The following MRTFA variants were observed in gnomAD, a reference collection of about 807,000 sequenced individuals.
The protein encoded by MRTFA is myocardin-related transcription factor A.
Under a neutral mutation model 83.5 loss-of-function variants are expected in MRTFA, and 20 were observed. That is an observed-to-expected ratio of 0.24 (90% CI 0.17 to 0.35). The LOEUF (loss-of-function observed/expected upper bound fraction) is 0.35, where lower values mean the gene tolerates loss of function less well. Ranked by LOEUF, MRTFA falls within the 10% of genes least tolerant of loss-of-function variation. The pLI is 1.00. For missense variants in MRTFA, 1,200 were observed against 1,224.7 expected (o/e 0.98, Z 0.30); for synonymous variants, 659 against 541.2 (o/e 1.22, Z -3.02).
chr22:40,497,493 G>A (rs540245289), intron 3 of MRTFA, among the ~76,000 whole-genome samples: 30 of 152,278 alleles, frequency 2.0e-4, no homozygotes, highest in African/African-American at 5.8e-4. Context: ...GCTGGCTCAC[G>A]CCTGTAATCC....
At chr22:40,498,265 A>AT in intron 3 of MRTFA, among the ~76,000 whole-genome samples, 4 of 89,580 alleles carry the variant, frequency 4.5e-5, no homozygotes, top group African/African-American at 1.5e-4. Context: ...ATATATATAT[A>AT]TATATATATT....
At chr22:40,635,740 T>G (rs928300010) in intron 1 of MRTFA, among the ~76,000 whole-genome samples, 1 of 152,172 alleles carries the variant, frequency 6.6e-6, no homozygotes, top group Non-Finnish European at 1.5e-5. Context: ...ACGCTTCACG[T>G]GAATTATTTC....
chr22:40,418,041 T>G (rs894517729), intron 12 of MRTFA, among the ~76,000 whole-genome samples: 19 of 152,048 alleles, frequency 1.2e-4, no homozygotes, highest in Non-Finnish European at 2.4e-4. Context: ...AGGCTACCTC[T>G]GACCTTCACT....
rs2055453183 is a variant in MRTFA at position 40,552,233 on chromosome 22, C to T, written c.114G>A (p.Ala38=). The T allele has an allele frequency of 2.5e-6, 1 of 398,886 alleles. No individual in the cohort carries two copies. The highest frequency in any genetic ancestry group is 4.4e-6 in the Non-Finnish European group (1 of 226,112). The allele number at this position is 398,886 out of a possible 1,614,324, so 24.7% of individuals were successfully genotyped here. Residue 38 remains alanine (A), a synonymous_variant, in exon 3 of 15, where the codon GCG becomes GCA. Transcript: ENST00000355630. ...CAGCTTCACTCTGGGGACTGGGTGC[C>T]GCAGATAAGGACACGAGCACTGGTT...
intron 9 of MRTFA, 41 bp downstream of exon 9, chr22:40,423,495 G>A: frequency 7.0e-7 from 1 of 1,431,268 alleles, no homozygotes; most frequent in Non-Finnish European, 9.3e-7. Context: ...ACTCCAAAGG[G>A]CACAGGGAAG....
At chr22:40,511,715 T>A (rs181518596) in intron 3 of MRTFA, among the ~76,000 whole-genome samples, 1 of 152,200 alleles carries the variant, frequency 6.6e-6, no homozygotes, top group Non-Finnish European at 1.5e-5. Flanking sequence ...TTCATGGCAC[T>A]GTGGCAAGTG....
intron 4 of MRTFA, among the ~76,000 whole-genome samples, chr22:40,440,986 G>A (rs960783328): frequency 6.6e-6 from 1 of 152,130 alleles, no homozygotes; most frequent in Non-Finnish European, 1.5e-5. Context: ...TACCTTAATA[G>A]CTTTGCTAGG....
chr22:40,523,470 T>A (rs2054906387), intron 3 of MRTFA: 1 of 152,176 alleles, frequency 6.6e-6, no homozygotes, highest in Non-Finnish European at 1.5e-5. Context: ...CCCCTAAGTA[T>A]CTGGGACTAC....
rs192354637 is a variant in MRTFA at position 40,559,258 on chromosome 22, C to T, written c.-21-6891G>A. Among the ~76,000 whole-genome samples, 19 of 152,128 alleles carry T rather than the reference C, an allele frequency of 1.2e-4. No homozygotes were observed. The East Asian group carries it at 3.5e-3, about 28-fold the overall frequency. The stretch of plus-strand genomic sequence containing the variant: ...CACAAAAGTTAGGCATGGTGGTGTG[C>T]GTCTGCAGTCTCAGCTACTCCTGAG... On this transcript the variant is annotated intron_variant, in intron 2 of 14. Transcript: ENST00000355630.
chr22:40,458,781 G>C (rs1005841325), intron 4 of MRTFA, among the ~76,000 whole-genome samples: 5 of 152,086 alleles, frequency 3.3e-5, no homozygotes, highest in Admixed American at 3.3e-4. Context: ...GCTGTTTTCA[G>C]AAACACCTCA....
At chr22:40,461,807 AAATT>A (rs1285712196) in intron 4 of MRTFA, among the ~76,000 whole-genome samples, 2 of 151,990 alleles carry the variant, frequency 1.3e-5, no homozygotes, top group Non-Finnish European at 2.9e-5. Flanking sequence ...TTAAAAAAAA[AAATT>A]AAAATTAAAA....
At chr22:40,472,818 C>T (rs1296193102) in intron 3 of MRTFA, among the ~76,000 whole-genome samples, 2 of 152,134 alleles carry the variant, frequency 1.3e-5, no homozygotes, top group Non-Finnish European at 2.9e-5. Flanking sequence ...CAACAGAGAC[C>T]ACAACAAATT....
At chr22:40,502,184 C>G (rs1448272954) in intron 3 of MRTFA, among the ~76,000 whole-genome samples, 2 of 140,436 alleles carry the variant, frequency 1.4e-5, no homozygotes, top group African/African-American at 2.7e-5. Context: ...CCCTCCCGGA[C>G]GGGGTGGCTG....
At chr22:40,536,997 C>T (rs1404495986) in intron 3 of MRTFA, among the ~76,000 whole-genome samples, 3 of 77,328 alleles carry the variant, frequency 3.9e-5, no homozygotes, top group African/African-American at 5.6e-5. Context: ...GCAGCCACCC[C>T]GTCCGGGAGG....
chr22:40,625,137 G>C (rs536328409), intron 1 of MRTFA, among the ~76,000 whole-genome samples: 2 of 152,114 alleles, frequency 1.3e-5, no homozygotes, highest in African/African-American at 4.8e-5. Context: ...AAAAACATCT[G>C]AACGGAAAGG....
chr22:40,498,643 G>C (rs1038942884), intron 3 of MRTFA, among the ~76,000 whole-genome samples: 1 of 151,978 alleles, frequency 6.6e-6, no homozygotes, highest in Non-Finnish European at 1.5e-5. Flanking sequence ...TGAGGGAGAA[G>C]ACAGACACAG....
intron 3 of MRTFA, among the ~76,000 whole-genome samples, chr22:40,494,134 T>TTA: frequency 6.6e-6 from 1 of 152,344 alleles, no homozygotes; most frequent in African/African-American, 2.4e-5. Flanking sequence ...CACTACCAAA[T>TTA]TATATTAAAG....
intron 3 of MRTFA, among the ~76,000 whole-genome samples, chr22:40,544,197 C>T (rs756889670): frequency 6.6e-6 from 1 of 152,110 alleles, no homozygotes; most frequent in Non-Finnish European, 1.5e-5. Context: ...CTATAAAAGA[C>T]TCATATAAAT....
At chr22:40,562,859 G>A (rs187989385) in intron 2 of MRTFA, among the ~76,000 whole-genome samples, 6 of 152,180 alleles carry the variant, frequency 3.9e-5, no homozygotes, top group Admixed American at 3.9e-4. Flanking sequence ...TAGACTTCTA[G>A]GTATCTATAG....
Sources: allele counts gnomAD v4.1 joint callset (sites outside exome capture counted in the v4.1 genomes callset), GRCh38; gene constraint gnomAD v4.1.1; transcripts MANE v1.5; gene names NCBI Gene and HGNC (gene_info 2026-07-23, HGNC 2026-07-21).